Variants in DRD2 observed in about 807,000 individuals in gnomAD.
The protein encoded by DRD2 is D(2) dopamine receptor.
Under a neutral mutation model 38.0 loss-of-function variants are expected in DRD2, and 8 were observed. That is an observed-to-expected ratio of 0.21 (90% CI 0.12 to 0.38). The LOEUF is 0.38. Ranked by LOEUF, DRD2 falls within the 10% of genes least tolerant of loss-of-function variation. The pLI, the probability that DRD2 is intolerant of heterozygous loss-of-function variation, is 1.00. For synonymous variants in DRD2, 230 were observed against 238.6 expected, an observed-to-expected ratio of 0.96 and a Z score of 0.33; for missense variants, 403 against 607.7, an observed-to-expected ratio of 0.66 and a Z score of 3.54.
Position 113,424,510 on chromosome 11 carries a change from T to C in DRD2, c.142A>G (p.Ile48Val). The C allele has an allele frequency of 6.2e-7, 1 of 1,614,228 alleles. No individual in the cohort carries two copies. Among genetic ancestry groups the C allele is most frequent in the Non-Finnish European group, 8.5e-7 (1 of 1,180,036 alleles). Reference sequence around the variant, plus strand: ...CACACCAGCACGTTGCCGAAGACGATGACAGCGATGAGCAGGGTGAGCAGT... The same window carrying C: ...CACACCAGCACGTTGCCGAAGACGACGACAGCGATGAGCAGGGTGAGCAGT... ...ATLLTLLIAV[I>V]VFGNVLVCMA... Residue 48 changes from isoleucine to valine, a missense_variant, in exon 2 of 8, where the codon ATC becomes GTC. Ile to Val is a conservative substitution (Grantham distance 29). Coordinates refer to ENST00000362072, the MANE Select transcript of DRD2 (RefSeq NM_000795.4).
chr11:113,446,940 C>T (rs908739486), intron 1 of DRD2, among the ~76,000 whole-genome samples: 46 of 152,188 alleles, frequency 3.0e-4, no homozygotes, highest in African/African-American at 9.2e-4. Flanking sequence ...GAGCTGATGG[C>T]TGATAGGACA....
At chr11:113,457,749 A>G (rs1951280716) in intron 1 of DRD2, among the ~76,000 whole-genome samples, 2 of 152,390 alleles carry the variant, frequency 1.3e-5, no homozygotes, top group South Asian at 4.1e-4. Flanking sequence ...TTTGGAAATT[A>G]TGGGCTGTCC....
At chr11:113,467,754 GC>G (rs1466540246) in intron 1 of DRD2, among the ~76,000 whole-genome samples, 1 of 152,188 alleles carries the variant, frequency 6.6e-6, no homozygotes, top group Admixed American at 6.5e-5. Flanking sequence ...GATAACTTAT[GC>G]CTCTTCCTAG....
chr11:113,433,900 C>T (rs540914508), intron 1 of DRD2, among the ~76,000 whole-genome samples: 35 of 152,312 alleles, frequency 2.3e-4, no homozygotes, highest in African/African-American at 7.5e-4. Context: ...AGCTAGCCTT[C>T]GGCACTTTCT....
intron 1 of DRD2, among the ~76,000 whole-genome samples, chr11:113,471,319 A>G (rs1222502252): frequency 6.6e-6 from 1 of 152,212 alleles, no homozygotes; most frequent in Non-Finnish European, 1.5e-5. Context: ...CATTAGAGTA[A>G]TTTAAAAGGC....
intron 1 of DRD2, among the ~76,000 whole-genome samples, chr11:113,427,961 G>A (rs903288732): frequency 9.2e-5 from 14 of 152,160 alleles, no homozygotes; most frequent in Non-Finnish European, 1.9e-4. Flanking sequence ...AGGGATGCGC[G>A]CACAGAGGAG....
At chr11:113,471,140 C>A (rs1354401725) in intron 1 of DRD2, among the ~76,000 whole-genome samples, 1 of 152,212 alleles carries the variant, frequency 6.6e-6, no homozygotes, top group Non-Finnish European at 1.5e-5. Flanking sequence ...CATGTGCTGA[C>A]ACTATAATCA....
In DRD2 at chr11:113,416,936, G is replaced by A. The variant is rs202047707; in HGVS notation, c.459C>T (p.Thr153=). The change falls in exon 4 of 8, where the codon ACC becomes ACT. Residue 153 remains threonine, a synonymous_variant. Coordinates refer to ENST00000362072, the MANE Select transcript of DRD2 (RefSeq NM_000795.4). ...GGACCCAGACGATGGAGATCATGAC[G>A]GTGACCCGGCGCTTGGAGCTGTAGC... ...NTRYSSKRRV[T]VMISIVWVLS... 25 of 1,614,030 alleles carry A rather than the reference G, an allele frequency of 1.5e-5. No individual in the cohort carries two copies. The highest frequency in any genetic ancestry group is 2.2e-5 in the East Asian group (1 of 44,884).
intron 1 of DRD2, among the ~76,000 whole-genome samples, chr11:113,455,331 C>T (rs1281646024): frequency 6.6e-6 from 1 of 152,074 alleles, no homozygotes; most frequent in African/African-American, 2.4e-5. Flanking sequence ...CACAGCACTC[C>T]AGCCTGGGTG....
chr11:113,424,495 C>T lies in DRD2; in HGVS notation c.157G>A (p.Val53Met), dbSNP rs200010436. ...LLIAVIVFGN[V>M]LVCMAVSREK... ...CGGGACACAGCCATGCACACCAGCA[C>T]GTTGCCGAAGACGATGACAGCGATG... is the stretch of plus-strand genomic sequence containing the variant. Residue 53 changes from valine (V) to methionine (M), a missense_variant, in exon 2 of 8, where the codon GTG (valine) becomes ATG (methionine). Physicochemically the swap from Val to Met is conservative, Grantham distance 21. Around this residue, in one of 4 missense-constraint regions of DRD2, gnomAD observed 162 missense variants for 254.5 expected, o/e 0.64. Coordinates refer to ENST00000362072, the MANE Select transcript of DRD2 (RefSeq NM_000795.4). The T allele has an allele frequency of 1.9e-5, 31 of 1,614,096 alleles. No individual in the cohort carries two copies. Among genetic ancestry groups the T allele is most frequent in the Non-Finnish European group, 2.5e-5 (29 of 1,180,046 alleles).
intron 1 of DRD2, among the ~76,000 whole-genome samples, chr11:113,469,785 AGC>A (rs1285007940): frequency 6.6e-6 from 1 of 152,202 alleles, no homozygotes; most frequent in Middle Eastern, 3.2e-3. Flanking sequence ...GGCTGCTGTG[AGC>A]TATGATTGCA....
At chr11:113,434,807 C>G (rs932282505) in intron 1 of DRD2, among the ~76,000 whole-genome samples, 2 of 152,212 alleles carry the variant, frequency 1.3e-5, no homozygotes, top group African/African-American at 4.8e-5. Flanking sequence ...CCAGAGACTA[C>G]CAAGCATCCA....
intron 1 of DRD2, among the ~76,000 whole-genome samples, chr11:113,466,096 G>C (rs140631271): frequency 6.6e-6 from 1 of 152,170 alleles, no homozygotes; most frequent in Non-Finnish European, 1.5e-5. Context: ...GCTCATGACC[G>C]ATAGAACAAA....
chr11:113,452,823 T>A (rs1054026075), intron 1 of DRD2, among the ~76,000 whole-genome samples: 2 of 150,360 alleles, frequency 1.3e-5, no homozygotes, highest in Non-Finnish European at 3.0e-5. Context: ...AATTTTTGTA[T>A]TTTTTTTTAG....
At chr11:113,466,058 G>T (rs561064429) in intron 1 of DRD2, among the ~76,000 whole-genome samples, 15 of 152,280 alleles carry the variant, frequency 9.9e-5, no homozygotes, top group Middle Eastern at 3.4e-3. Context: ...TCTCAAAGGG[G>T]TGATAGTAAC....
intron 1 of DRD2, among the ~76,000 whole-genome samples, chr11:113,465,114 T>A (rs1054895257): frequency 5.3e-5 from 8 of 151,802 alleles, no homozygotes; most frequent in African/African-American, 1.9e-4. Flanking sequence ...CTCTGTGATT[T>A]TTTTTTTTTT....
rs1950754852 is a variant in DRD2, at chr11:113,410,235, C to T, written c.*492G>A. On this transcript the variant is annotated 3_prime_UTR_variant, in exon 8 of 8. Coordinates refer to ENST00000362072, the MANE Select transcript of DRD2 (RefSeq NM_000795.4). ...GCAGTCTGGTATTTACATGGGTCTC[C>T]CAGGACTGAAGTTGCCTGGCTCCTC... 4.3e-6 allele frequency: 1 copy of T among 235,024 alleles called. No homozygotes were observed. The highest frequency in any genetic ancestry group is 2.2e-5 in the African/African-American group (1 of 44,770). 14.6% of individuals were successfully genotyped at this position (235,024 alleles called of 1,614,324 possible).
intron 6 of DRD2, 109 bp from the exon 7 acceptor site, chr11:113,412,992 A>C: frequency 8.0e-7 from 1 of 1,249,988 alleles, no homozygotes; most frequent in Non-Finnish European, 1.1e-6. Flanking sequence ...TGCAAACACC[A>C]CAGGGTCACC....
At chr11:113,414,532 A>G in intron 5 of DRD2, 71 bp from the exon 6 acceptor site, 12 of 1,524,868 alleles carry the variant, frequency 7.9e-6, no homozygotes, top group Non-Finnish European at 1.1e-5. Context: ...CCCAAAGTGC[A>G]GCAGTCCATG....
Sources: allele counts gnomAD v4.1 joint callset (sites outside exome capture counted in the v4.1 genomes callset), GRCh38; gene constraint gnomAD v4.1.1; regional missense constraint gnomAD v4.1.1; transcripts MANE v1.5; gene names NCBI Gene and HGNC (gene_info 2026-07-23, HGNC 2026-07-21).